Variants in IL23R observed in about 807,000 individuals in gnomAD.
The protein encoded by IL23R is interleukin 23 receptor, also known as interleukin-23 receptor.
Under a neutral mutation model 56.9 loss-of-function variants are expected in IL23R, and 34 were observed. The ratio of observed to expected loss-of-function variants is 0.60; its 90% CI spans 0.45 to 0.80. The LOEUF is 0.80. IL23R is among the 30% of genes least tolerant of loss of function. The pLI is 0.00. For missense variants in IL23R, 635 were observed against 730.0 expected, an observed-to-expected ratio of 0.87 and a Z score of 1.50; for synonymous variants, 230 against 249.2, an observed-to-expected ratio of 0.92 and a Z score of 0.73.
At chr1:67,141,197 A>G (rs1357914983) in intron 1 of IL23R, among the ~76,000 whole-genome samples, 4 of 152,350 alleles carry the variant, frequency 2.6e-5, no homozygotes, top group African/African-American at 7.2e-5. Flanking sequence ...AAAGAAAAAG[A>G]TCTGTAATAA....
chr1:67,171,186 G>T (rs1305199384), intron 3 of IL23R, among the ~76,000 whole-genome samples: 1 of 152,078 alleles, frequency 6.6e-6, no homozygotes, highest in Non-Finnish European at 1.5e-5. Flanking sequence ...AATTTCTTTG[G>T]AGGGCAAATA....
chr1:67,158,523 G>T (rs958815172), intron 1 of IL23R, among the ~76,000 whole-genome samples: 3 of 152,138 alleles, frequency 2.0e-5, no homozygotes, highest in Non-Finnish European at 4.4e-5. Context: ...GAAATTTTTA[G>T]GAAAAGCGTG....
intron 3 of IL23R, among the ~76,000 whole-genome samples, chr1:67,179,310 A>C (rs1647056199): frequency 6.6e-6 from 1 of 152,220 alleles, no homozygotes; most frequent in African/African-American, 2.4e-5. Flanking sequence ...TTATTGGCCT[A>C]TTCAGAGATT....
chr1:67,224,900 G>T (rs754077793), intron 7 of IL23R, among the ~76,000 whole-genome samples: 1 of 152,128 alleles, frequency 6.6e-6, no homozygotes, highest in African/African-American at 2.4e-5. Context: ...CATATGAATT[G>T]TTCTTTATTT....
At chr1:67,156,789 T>G (rs894877888) in intron 1 of IL23R, among the ~76,000 whole-genome samples, 4 of 152,206 alleles carry the variant, frequency 2.6e-5, no homozygotes, top group Non-Finnish European at 5.9e-5. Flanking sequence ...CTTGGCTCCC[T>G]GGCTTCAGCC....
upstream of IL23R, among the ~76,000 whole-genome samples, chr1:67,164,341 C>T (rs1266027281): frequency 6.6e-6 from 1 of 151,968 alleles, no homozygotes; most frequent in Non-Finnish European, 1.5e-5. Flanking sequence ...ACAACAAATA[C>T]AAAAAACCAG....
intron 1 of IL23R, among the ~76,000 whole-genome samples, chr1:67,147,387 G>C (rs563333865): frequency 6.6e-6 from 1 of 152,268 alleles, no homozygotes; most frequent in South Asian, 2.1e-4. Context: ...GCAAATATAA[G>C]CACAATAGAA....
At chr1:67,163,754 T>C (rs1455483332), upstream of IL23R, among the ~76,000 whole-genome samples, 1 of 152,194 alleles carries the variant, frequency 6.6e-6, no homozygotes, top group Non-Finnish European at 1.5e-5. Context: ...TCTGCCATAA[T>C]TGTAAACTTA....
At chr1:67,246,425 T>A (rs1238185120) in intron 9 of IL23R, among the ~76,000 whole-genome samples, 1 of 152,220 alleles carries the variant, frequency 6.6e-6, no homozygotes, top group Non-Finnish European at 1.5e-5. Flanking sequence ...TTTAGATCTT[T>A]CCAGCTTTGT....
At chr1:67,252,485 A>G (rs994788033) in intron 9 of IL23R, among the ~76,000 whole-genome samples, 1 of 152,206 alleles carries the variant, frequency 6.6e-6, no homozygotes, top group Non-Finnish European at 1.5e-5. Flanking sequence ...AATTTGCTCA[A>G]AGAAACTTGG....
chr1:67,237,818 G>C (rs1651585506), intron 8 of IL23R, among the ~76,000 whole-genome samples: 1 of 151,996 alleles, frequency 6.6e-6, no homozygotes, highest in East Asian at 1.9e-4. Flanking sequence ...TAGAAATCAG[G>C]CAGGAATAGT....
At chr1:67,165,593 G>T (rs979115432), upstream of IL23R, among the ~76,000 whole-genome samples, 4 of 152,148 alleles carry the variant, frequency 2.6e-5, no homozygotes, top group Admixed American at 2.6e-4. Context: ...GGAATAATTG[G>T]TAAAGAATCT....
chr1:67,173,252 T>C (rs927563786), intron 3 of IL23R, among the ~76,000 whole-genome samples: 2 of 152,224 alleles, frequency 1.3e-5, no homozygotes, highest in African/African-American at 2.4e-5. Flanking sequence ...CATCTTTACA[T>C]TGCTTCATGT....
chr1:67,150,505 A>C (rs1312386487), intron 1 of IL23R, among the ~76,000 whole-genome samples: 1 of 151,878 alleles, frequency 6.6e-6, no homozygotes, highest in Non-Finnish European at 1.5e-5. Context: ...CCCACTTATG[A>C]GTGAGAACAT....
intron 9 of IL23R, among the ~76,000 whole-genome samples, chr1:67,254,351 G>A (rs1489047663): frequency 6.6e-6 from 1 of 151,904 alleles, no homozygotes; most frequent in East Asian, 1.9e-4. Context: ...TTACAGGTGT[G>A]AGCCAACATG....
At chr1:67,243,426 A>G (rs559342305) in intron 9 of IL23R, among the ~76,000 whole-genome samples, 1 of 152,188 alleles carries the variant, frequency 6.6e-6, no homozygotes, top group East Asian at 1.9e-4. Context: ...CGTCATCTAC[A>G]TTAGGAATTT....
chr1:67,167,943 CCTTCCTTCCTTT>C (rs1646893298), intron 1 of IL23R, 137 bp from the exon 2 acceptor site: 2 of 572,852 alleles, frequency 3.5e-6, no homozygotes, highest in South Asian at 4.6e-5. Flanking sequence ...TGCTCTGTTT[CCTTCCTTCCTTT>C]CTTCCTTCCT....
intron 9 of IL23R, among the ~76,000 whole-genome samples, chr1:67,246,251 C>A (rs1157166576): frequency 6.6e-6 from 1 of 151,978 alleles, no homozygotes; most frequent in Non-Finnish European, 1.5e-5. Flanking sequence ...TTGATCTTTT[C>A]AAAAAACCAG....
chr1:67,242,523 C>G (rs1405286262), intron 9 of IL23R, among the ~76,000 whole-genome samples: 1 of 152,112 alleles, frequency 6.6e-6, no homozygotes, highest in Non-Finnish European at 1.5e-5. Flanking sequence ...AGGACGCTGT[C>G]TTCTTGGGAG....
Sources: gnomAD v4.1 joint callset for allele counts (sites outside exome capture counted in the v4.1 genomes callset) on GRCh38, gnomAD v4.1.1 for gene constraint, MANE v1.5 for transcripts, NCBI Gene and HGNC (gene_info 2026-07-23, HGNC 2026-07-21) for gene names.